LUZP2: variants seen among roughly 807,000 people sequenced by gnomAD.
LUZP2 encodes the protein leucine zipper protein 2.
Under a neutral mutation model 51.6 loss-of-function variants are expected in LUZP2, and 52 were observed. The observed-to-expected ratio is 1.01, with a 90% CI of 0.81 to 1.27. The LOEUF is 1.27. Ranked by LOEUF, LUZP2 falls within the 50% of genes most tolerant of loss-of-function variation. LUZP2 has a pLI of 0.00. For missense variants in LUZP2, 436 were observed against 395.4 expected (o/e 1.10, Z -0.87); for synonymous variants, 154 against 137.3 (o/e 1.12, Z -0.85).
chr11:24,550,924 G>C (rs1851706003), intron 1 of LUZP2, among the ~76,000 whole-genome samples: 1 of 151,884 alleles, frequency 6.6e-6, no homozygotes, highest in African/African-American at 2.4e-5. Flanking sequence ...TCCTGGGCAA[G>C]AGAGCAAGAT....
chr11:24,645,534 G>C (rs1855437026), intron 1 of LUZP2, among the ~76,000 whole-genome samples: 1 of 152,126 alleles, frequency 6.6e-6, no homozygotes, highest in Admixed American at 6.6e-5. Flanking sequence ...GCACTTGACA[G>C]CTGTCACCCT....
At chr11:24,720,729 G>A (rs1441753413) in intron 1 of LUZP2, among the ~76,000 whole-genome samples, 1 of 152,104 alleles carries the variant, frequency 6.6e-6, no homozygotes, top group Non-Finnish European at 1.5e-5. Context: ...TTGAGACAGA[G>A]TCCCTGTCGC....
chr11:24,715,728 A>T (rs906729129), intron 1 of LUZP2, among the ~76,000 whole-genome samples: 2 of 152,142 alleles, frequency 1.3e-5, no homozygotes, highest in Non-Finnish European at 2.9e-5. Context: ...GTCATGTATT[A>T]TCCTCATTTC....
At chr11:24,616,025 C>A (rs1427421165) in intron 1 of LUZP2, among the ~76,000 whole-genome samples, 2 of 144,694 alleles carry the variant, frequency 1.4e-5, no homozygotes, top group Non-Finnish European at 3.0e-5. Context: ...TTTTTTTTTT[C>A]TTTTATTGTG....
rs544873386 is a variant in LUZP2, at chr11:24,786,152, A to C, written c.396+22844A>C. ...CTCAAAGTTATGAAGGCGTTGTAAA[A>C]TATATGTCTCAGGGAAACCTAAAAC... is the stretch of plus-strand genomic sequence containing the variant. On this transcript the variant is annotated intron_variant, in intron 5 of 11. Transcript: ENST00000336930. 15 of 985,128 alleles carry C rather than the reference A, an allele frequency of 1.5e-5. No individual in the cohort carries two copies. In the South Asian group the frequency reaches 7.0e-4, roughly 46 times the overall value. 61.0% of individuals were successfully genotyped at this position (985,128 alleles called of 1,614,324 possible).
Position 24,710,364 on chromosome 11 carries a change from C to T in LUZP2, c.63-18805C>T, listed in dbSNP as rs530318596. Among the ~76,000 whole-genome samples, 9 of 152,098 alleles carry T rather than the reference C, an allele frequency of 5.9e-5. No individual in the cohort carries two copies. In the East Asian group the frequency reaches 1.4e-3, roughly 23 times the overall value. ...ATCTGAAACCACTCAGCATAAAAGG[C>T]TTGCAAAATCAATATTGCTCCTATC... On this transcript the variant is annotated intron_variant, in intron 1 of 11. Coordinates refer to ENST00000336930, the MANE Select transcript of LUZP2 (RefSeq NM_001009909.4).
intron 1 of LUZP2, among the ~76,000 whole-genome samples, chr11:24,540,275 GT>G (rs1019484151): frequency 6.6e-6 from 1 of 152,068 alleles, no homozygotes; most frequent in Non-Finnish European, 1.5e-5. Context: ...TTGAATGTTT[GT>G]TATGTCTCTC....
chr11:24,928,213 T>C (rs1207778598), intron 7 of LUZP2, among the ~76,000 whole-genome samples: 1 of 152,112 alleles, frequency 6.6e-6, no homozygotes, highest in Non-Finnish European at 1.5e-5. Context: ...TTTACCAATT[T>C]GGATGCCCTT....
intron 1 of LUZP2, among the ~76,000 whole-genome samples, chr11:24,601,439 T>C (rs536046190): frequency 3.0e-4 from 45 of 152,104 alleles, no homozygotes; most frequent in Admixed American, 3.9e-4. Context: ...CATATAACTA[T>C]GTAAAGATAG....
intron 5 of LUZP2, chr11:24,891,720 A>G (rs1365291509): frequency 1.3e-6 from 1 of 782,120 alleles, no homozygotes; most frequent in Non-Finnish European, 1.6e-6. Flanking sequence ...TCTGGAATAG[A>G]ATCTGAGTTA....
At chr11:25,046,326 A>C (rs1283738752) in intron 9 of LUZP2, among the ~76,000 whole-genome samples, 1 of 152,068 alleles carries the variant, frequency 6.6e-6, no homozygotes, top group African/African-American at 2.4e-5. Context: ...ATCTGTTTCA[A>C]ATATTTGATT....
At chr11:24,506,224 TAA>T (rs1415381340) in intron 1 of LUZP2, among the ~76,000 whole-genome samples, 14 of 152,068 alleles carry the variant, frequency 9.2e-5, no homozygotes, top group African/African-American at 2.7e-4. Flanking sequence ...AAAGATACTA[TAA>T]GAGAGGAAGG....
intron 1 of LUZP2, among the ~76,000 whole-genome samples, chr11:24,637,817 C>G (rs1376491028): frequency 6.6e-6 from 1 of 151,816 alleles, no homozygotes; most frequent in Non-Finnish European, 1.5e-5. Context: ...GACACAGACC[C>G]TCATCAATAA....
chr11:25,078,481 T>C (rs897360692), intron 11 of LUZP2, 73 bp from the exon 12 acceptor site: 2 of 1,162,112 alleles, frequency 1.7e-6, no homozygotes, highest in African/African-American at 3.1e-5. Context: ...CTTATTCTTT[T>C]AGACTTTTCA....
intron 5 of LUZP2, among the ~76,000 whole-genome samples, chr11:24,783,864 A>G (rs1849164218): frequency 6.6e-6 from 1 of 152,028 alleles, no homozygotes; most frequent in Non-Finnish European, 1.5e-5. Context: ...TAACCAAACA[A>G]ATACCTACCT....
chr11:24,728,278 C>T (rs10500988), intron 1 of LUZP2, among the ~76,000 whole-genome samples: 49,003 of 151,642 alleles, frequency 0.32, 8,520 homozygotes, highest in Non-Finnish European at 0.39. Context: ...CCCTTCTACA[C>T]TTATTCCACA....
intron 9 of LUZP2, among the ~76,000 whole-genome samples, chr11:24,996,128 G>T (rs998260513): frequency 2.0e-5 from 3 of 150,794 alleles, no homozygotes; most frequent in African/African-American, 7.3e-5. Context: ...GTGTATCTGA[G>T]TTTTTTTCGG....
chr11:24,898,453 T>A (rs1437515016), intron 5 of LUZP2, among the ~76,000 whole-genome samples: 1 of 152,080 alleles, frequency 6.6e-6, no homozygotes, highest in Non-Finnish European at 1.5e-5. Flanking sequence ...TGAAACCCCG[T>A]CTCTACTAAA....
intron 1 of LUZP2, among the ~76,000 whole-genome samples, chr11:24,661,397 G>A (rs570595906): frequency 4.6e-5 from 7 of 152,234 alleles, no homozygotes; most frequent in South Asian, 2.1e-4. Flanking sequence ...ACTTAGAAAC[G>A]CACTCAGCAC....
Sources: allele counts gnomAD v4.1 joint callset (sites outside exome capture counted in the v4.1 genomes callset), GRCh38; gene constraint gnomAD v4.1.1; transcripts MANE v1.5; gene names NCBI Gene and HGNC (gene_info 2026-07-23, HGNC 2026-07-21).